The following ACTR3B variants were observed in gnomAD, a reference collection of about 807,000 sequenced individuals.
The protein encoded by ACTR3B is actin related protein 3B.
Under a neutral mutation model 59.0 loss-of-function variants are expected in ACTR3B, and 8 were observed. The observed-to-expected ratio is 0.14, with a 90% CI of 0.08 to 0.24. The LOEUF (loss-of-function observed/expected upper bound fraction) is 0.24, where lower values mean the gene tolerates loss of function less well. Among genes scored for constraint, ACTR3B ranks in the 10% least tolerant of loss-of-function variants. The probability of loss-of-function intolerance (pLI) is 1.00; values close to 1 mark genes in which losing one functional copy is unlikely to be tolerated. For missense variants in ACTR3B, 245 were observed against 552.3 expected, an observed-to-expected ratio of 0.44 and a Z score of 5.58; for synonymous variants, 148 against 197.9, an observed-to-expected ratio of 0.75 and a Z score of 2.12.
intron 2 of ACTR3B, among the ~76,000 whole-genome samples, chr7:152,787,112 C>T (rs2098177304): frequency 6.6e-6 from 1 of 152,176 alleles, no homozygotes; most frequent in South Asian, 2.1e-4. Context: ...TGCCACGTTA[C>T]TCCTCCAGGA....
At chr7:152,784,693 C>T (rs1475288804) in intron 2 of ACTR3B, among the ~76,000 whole-genome samples, 2 of 152,124 alleles carry the variant, frequency 1.3e-5, no homozygotes, top group South Asian at 2.1e-4. Context: ...GGTTGGTTTC[C>T]GGTGAGGCCT....
chr7:152,804,163 T>C (rs1425750733), intron 4 of ACTR3B, among the ~76,000 whole-genome samples: 3 of 152,108 alleles, frequency 2.0e-5, no homozygotes, highest in African/African-American at 7.2e-5. Context: ...CTTACACTGG[T>C]TATGTGGACT....
rs1796053199 is a variant in ACTR3B, at chr7:152,820,450, C to G, written c.684+8C>G. On this transcript the variant is annotated splice_region_variant and intron_variant, in intron 7 of 11. Coordinates refer to ENST00000256001, the MANE Select transcript of ACTR3B (RefSeq NM_020445.6). Reference sequence around the variant, plus strand: ...ACCGCAAAAGCCATTAAGGTAAAAACAGATGGGAAACCGGCCGGTTTGGGG... The same window carrying G: ...ACCGCAAAAGCCATTAAGGTAAAAAGAGATGGGAAACCGGCCGGTTTGGGG... 2 of 1,602,948 alleles carry G rather than the reference C, an allele frequency of 1.2e-6. No individual in the cohort carries two copies. The highest frequency in any genetic ancestry group is 1.7e-6 in the Non-Finnish European group (2 of 1,172,320).
In ACTR3B at chr7:152,767,575, T is replaced by C. The variant is rs139990209; in HGVS notation, c.44+7649T>C. ...GGATTTTATTAAACTTAAAAATTAA[T>C]TTAATGAGCATCATTATCTGTATAA... On this transcript the variant is annotated intron_variant, in intron 1 of 11. Coordinates refer to ENST00000256001, the MANE Select transcript of ACTR3B (RefSeq NM_020445.6). Among the ~76,000 whole-genome samples the C allele has an allele frequency of 2.8e-3, 431 of 152,348 alleles. 3 individuals are homozygous for C. Among genetic ancestry groups the C allele is most frequent in the African/African-American group, 9.9e-3 (412 of 41,578 alleles).
intron 9 of ACTR3B, among the ~76,000 whole-genome samples, chr7:152,840,304 A>G (rs1797775382): frequency 6.7e-6 from 1 of 149,164 alleles, no homozygotes; most frequent in Non-Finnish European, 1.5e-5. Flanking sequence ...CAGCCTCTGC[A>G]TGGCCCAGGG....
intron 9 of ACTR3B, among the ~76,000 whole-genome samples, chr7:152,832,605 C>T (rs1473480229): frequency 1.3e-5 from 2 of 152,134 alleles, no homozygotes; most frequent in African/African-American, 2.4e-5. Flanking sequence ...TCTTGAACTC[C>T]TGGGCTCGAG....
chr7:152,774,439 A>G (rs1262841155), intron 1 of ACTR3B, among the ~76,000 whole-genome samples: 1 of 148,756 alleles, frequency 6.7e-6, no homozygotes, highest in Non-Finnish European at 1.5e-5. Context: ...CCTGGCCTAC[A>G]TTTTTTTTTT....
In ACTR3B at chr7:152,824,454, T is replaced by C. The variant is rs533440041; in HGVS notation, c.859-576T>C. 1.7e-4 allele frequency among the ~76,000 whole-genome samples: 26 copies of C among 152,344 alleles called. No individual in the cohort carries two copies. The highest frequency in any genetic ancestry group is 6.0e-4 in the African/African-American group (25 of 41,588). On this transcript the variant is annotated intron_variant, in intron 8 of 11. Coordinates refer to ENST00000256001, the MANE Select transcript of ACTR3B (RefSeq NM_020445.6). The surrounding 1 kb of genome is among the most constrained non-coding windows in gnomAD (Gnocchi z 4.2). The stretch of plus-strand genomic sequence containing the variant: ...TATTTCAAATGAAATGTAATTGAGT[T>C]GAATTTGTTATACTTTAGCTTATTT...
chr7:152,850,160 G>A (rs563773123), intron 9 of ACTR3B, among the ~76,000 whole-genome samples: 1 of 151,600 alleles, frequency 6.6e-6, no homozygotes, highest in East Asian at 2.0e-4. Context: ...CAGGTGGAAG[G>A]CCAGCTTCTC....
At chr7:152,801,540 A>G (rs1403241867) in intron 3 of ACTR3B, 81 bp from the exon 4 acceptor site, 3 of 1,566,610 alleles carry the variant, frequency 1.9e-6, no homozygotes, top group Non-Finnish European at 2.6e-6. Flanking sequence ...TTAATAACAC[A>G]GTTTCTTCTG....
At chr7:152,834,653 G>A (rs1248441028) in intron 9 of ACTR3B, among the ~76,000 whole-genome samples, 3 of 152,080 alleles carry the variant, frequency 2.0e-5, no homozygotes, top group East Asian at 1.9e-4. Context: ...TGTCTGTTTC[G>A]ATACCAACTC....
intron 1 of ACTR3B, among the ~76,000 whole-genome samples, chr7:152,775,190 CAAAAAAAA>C (rs67260503): frequency 7.0e-5 from 3 of 42,598 alleles, no homozygotes; most frequent in African/African-American, 2.8e-4. Context: ...AACCCTGTCT[CAAAAAAAA>C]AAAAAAAAAA....
At chr7:152,846,397 C>T (rs1196317543) in intron 9 of ACTR3B, among the ~76,000 whole-genome samples, 20 of 142,522 alleles carry the variant, frequency 1.4e-4, no homozygotes, top group Middle Eastern at 4.2e-3. Context: ...CCCTAGTGCC[C>T]GGGGCTGTAG....
At chr7:152,802,306 T>TC (rs2098239248) in intron 4 of ACTR3B, among the ~76,000 whole-genome samples, 1 of 150,430 alleles carries the variant, frequency 6.6e-6, no homozygotes, top group African/African-American at 2.5e-5. Context: ...TAAACAGGCC[T>TC]CCAAAAGCAA....
intron 1 of ACTR3B, among the ~76,000 whole-genome samples, chr7:152,773,792 A>C (rs1232976198): frequency 6.6e-6 from 1 of 152,206 alleles, no homozygotes; most frequent in Non-Finnish European, 1.5e-5. Context: ...CCTTTGCTTT[A>C]CACATTCCAG....
chr7:152,770,632 A>G (rs1410098976), intron 1 of ACTR3B, among the ~76,000 whole-genome samples: 1 of 152,058 alleles, frequency 6.6e-6, no homozygotes, highest in African/African-American at 2.4e-5. Flanking sequence ...GGAATTAGAT[A>G]TACGCCCAGA....
At chr7:152,815,363 T>C (rs73728857) in intron 5 of ACTR3B, among the ~76,000 whole-genome samples, 14,391 of 152,246 alleles carry the variant, frequency 0.095, 747 homozygotes, top group African/African-American at 0.13. Flanking sequence ...ATCTATGTAT[T>C]CTAGCACTTC....
chr7:152,833,446 A>G (rs1797189207), intron 9 of ACTR3B, among the ~76,000 whole-genome samples: 1 of 152,180 alleles, frequency 6.6e-6, no homozygotes, highest in African/African-American at 2.4e-5. Context: ...CACAATATAG[A>G]AAGAGCAGGG....
chr7:152,818,043 A>G (rs376283117), intron 6 of ACTR3B, among the ~76,000 whole-genome samples: 1 of 152,108 alleles, frequency 6.6e-6, no homozygotes, highest in African/African-American at 2.4e-5. Flanking sequence ...GCCCCCTTCA[A>G]GCCAGTCTCA....
Sources: gnomAD v4.1 joint callset for allele counts (sites outside exome capture counted in the v4.1 genomes callset) on GRCh38, gnomAD v4.1.1 for gene constraint, Gnocchi (gnomAD v3.1) non-coding constraint, MANE v1.5 for transcripts, NCBI Gene and HGNC (gene_info 2026-07-23, HGNC 2026-07-21) for gene names.